Variants in STOX2 observed in about 807,000 individuals in gnomAD.
The protein encoded by STOX2 is storkhead-box protein 2.
Under a neutral mutation model 60.9 loss-of-function variants are expected in STOX2, and 28 were observed. The ratio of observed to expected loss-of-function variants is 0.46; its 90% CI spans 0.34 to 0.63. The LOEUF (loss-of-function observed/expected upper bound fraction) is 0.63, where lower values mean the gene tolerates loss of function less well. STOX2 is among the 30% of genes least tolerant of loss of function. STOX2 has a pLI of 0.01. For missense variants in STOX2, 1,024 were observed against 1,187.7 expected (o/e 0.86, Z 2.03); for synonymous variants, 472 against 463.9 (o/e 1.02, Z -0.22).
chr4:184,010,821 G>A lies in STOX2; in HGVS notation c.1983G>A (p.Pro661=), dbSNP rs201165746. The change falls in exon 3 of 4, where the codon CCG becomes CCA. Residue 661 remains proline (P), a synonymous_variant. Coordinates refer to ENST00000308497, the MANE Select transcript of STOX2 (RefSeq NM_020225.3). This position sits in a 1 kb window ranked among gnomAD's most constrained non-coding sequence, Gnocchi z 4.5. ...VGHKEESPKG[P]GGGPAASGGV... is the part of the protein sequence containing the mutation. ...ACAAGGAGGAGTCACCAAAAGGGCC[G>A]GGTGGGGGCCCCGCTGCTTCGGGAG... The A allele has an allele frequency of 1.8e-5, 29 of 1,588,666 alleles. No individual in the cohort carries two copies. The Admixed American group carries it at 3.0e-4, about 16-fold the overall frequency.
Position 184,001,346 on chromosome 4 carries a change from T to C in STOX2, c.188T>C (p.Met63Thr). ...GCAGGTGATGTATCACCCATCAGTA[T>C]GTCTCCCATCAGTCAGTCTCAGTTT... Reference protein sequence around the residue: ...MTSGDVSPISMSPISQSQFIP... With the variant: ...MTSGDVSPISTSPISQSQFIP... The change falls in exon 2 of 4, where the codon ATG (methionine) becomes ACG (threonine). Residue 63 changes from methionine to threonine, a missense_variant. Physicochemically the swap from Met to Thr is moderately conservative, Grantham distance 81. This residue lies in a region of STOX2 where 98 missense variants were observed against 110.2 expected (regional missense o/e 0.89). Coordinates refer to ENST00000308497, the MANE Select transcript of STOX2 (RefSeq NM_020225.3). The surrounding 1 kb of genome is among the most constrained non-coding windows in gnomAD (Gnocchi z 4.2). The C allele has an allele frequency of 6.2e-6, 10 of 1,613,988 alleles. No individual in the cohort carries two copies. The highest frequency in any genetic ancestry group is 8.5e-6 in the Non-Finnish European group (10 of 1,179,864).
At chr4:183,954,181 C>G (rs1743175867) in intron 1 of STOX2, among the ~76,000 whole-genome samples, 1 of 152,202 alleles carries the variant, frequency 6.6e-6, no homozygotes, top group African/African-American at 2.4e-5. Context: ...TGGAGCACTT[C>G]TTGTCACGTT....
At chr4:183,970,223 A>G (rs985500988) in intron 1 of STOX2, among the ~76,000 whole-genome samples, 2 of 150,044 alleles carry the variant, frequency 1.3e-5, no homozygotes, top group African/African-American at 4.9e-5. Context: ...TGAGTTAGAA[A>G]TCAGCTTTTG....
chr4:183,851,730 A>G (rs1237715827), intron 1 of STOX2, among the ~76,000 whole-genome samples: 1 of 120,694 alleles, frequency 8.3e-6, no homozygotes, highest in Non-Finnish European at 1.7e-5. Context: ...AGAAAGGATG[A>G]GGGAAAGGAT....
Position 183,866,807 on chromosome 4 carries a change from A to G in STOX2, c.364+68752A>G, listed in dbSNP as rs142940440. 5.6e-4 allele frequency among the ~76,000 whole-genome samples: 86 copies of G among 152,286 alleles called. 2 individuals carry two copies. The East Asian group carries it at 0.01, about 18-fold the overall frequency. On this transcript the variant is annotated intron_variant, in intron 1 of 2. Coordinates refer to the STOX2 transcript ENST00000513034. ...GACGGGAGGAACACTTGAACTCAGG[A>G]GTTGGAGGCCGCAGTGAGTGGCAAT...
intron 1 of STOX2, among the ~76,000 whole-genome samples, chr4:183,838,841 G>T (rs1023755399): frequency 1.3e-5 from 2 of 152,176 alleles, no homozygotes; most frequent in East Asian, 1.9e-4. Context: ...CCTCCACGTG[G>T]TTACACACTC....
intron 1 of STOX2, among the ~76,000 whole-genome samples, chr4:183,862,622 C>T (rs757749432): frequency 6.6e-6 from 1 of 152,086 alleles, no homozygotes; most frequent in Non-Finnish European, 1.5e-5. Context: ...GGCCCCTGGG[C>T]GGGAGAGGCT....
intron 1 of STOX2, among the ~76,000 whole-genome samples, chr4:183,979,623 AAC>A (rs1219433498): frequency 6.6e-6 from 1 of 152,194 alleles, no homozygotes; most frequent in Non-Finnish European, 1.5e-5. Context: ...ATTAGGAACT[AAC>A]AGTATTAGTT....
intron 1 of STOX2, among the ~76,000 whole-genome samples, chr4:183,953,658 C>T (rs1406270230): frequency 2.0e-5 from 3 of 151,046 alleles, no homozygotes; most frequent in South Asian, 2.1e-4. Flanking sequence ...CTCCGCCTCC[C>T]GAGTTCAAAC....
chr4:183,946,387 T>C (rs1742887433), intron 1 of STOX2, among the ~76,000 whole-genome samples: 1 of 152,106 alleles, frequency 6.6e-6, no homozygotes, highest in African/African-American at 2.4e-5. Flanking sequence ...ATAAGTACAG[T>C]CATGCCTCGG....
chr4:183,830,910 T>G (rs1488475339), intron 1 of STOX2, among the ~76,000 whole-genome samples: 2 of 151,902 alleles, frequency 1.3e-5, no homozygotes, highest in Non-Finnish European at 2.9e-5. Context: ...GAATTTTTTT[T>G]TTTTTTTTGG....
intron 1 of STOX2, among the ~76,000 whole-genome samples, chr4:183,973,041 C>A (rs1375860708): frequency 1.3e-5 from 2 of 151,478 alleles, no homozygotes; most frequent in African/African-American, 2.4e-5. Context: ...AGAAATTTTT[C>A]AATCTCAACA....
At chr4:183,815,423 A>G (rs1739133219) in intron 1 of STOX2, among the ~76,000 whole-genome samples, 1 of 152,160 alleles carries the variant, frequency 6.6e-6, no homozygotes, top group Non-Finnish European at 1.5e-5. Flanking sequence ...CATATATTAA[A>G]TTTATTTCAG....
intron 1 of STOX2, among the ~76,000 whole-genome samples, chr4:183,911,290 C>T (rs113843232): frequency 0.025 from 3,739 of 152,234 alleles, 53 homozygotes; most frequent in Middle Eastern, 0.034. Flanking sequence ...TTTTAGGACT[C>T]GCCCTGATGA....
At chr4:183,828,940 C>T (rs566476135) in intron 1 of STOX2, among the ~76,000 whole-genome samples, 1 of 152,278 alleles carries the variant, frequency 6.6e-6, no homozygotes, top group African/African-American at 2.4e-5. Flanking sequence ...GCTGCAGACA[C>T]ATGTGTTTTG....
At position 184,009,982 on chromosome 4, in the gene STOX2, G is replaced by A. The variant is rs1339909938; in HGVS notation, c.1144G>A (p.Asp382Asn). The stretch of plus-strand genomic sequence containing the variant: ...CAGCAAGACACGGGTGTCTAAAGGA[G>A]ACCCTTCCGACGGTTCACATCTGGA... ...SHSKTRVSKG[D>N]PSDGSHLDIP... The change falls in exon 3 of 4, where the codon GAC (aspartate) becomes AAC (asparagine). Residue 382 changes from aspartate (D) to asparagine (N), a missense_variant. Around this residue, in one of 3 missense-constraint regions of STOX2, gnomAD observed 922 missense variants for 1,058.3 expected, o/e 0.87. Coordinates refer to ENST00000308497, the MANE Select transcript of STOX2 (RefSeq NM_020225.3). This position sits in a 1 kb window ranked among gnomAD's most constrained non-coding sequence, Gnocchi z 4.0. 4 of 1,613,790 alleles carry A rather than the reference G, an allele frequency of 2.5e-6. No individual in the cohort carries two copies. Among genetic ancestry groups the A allele is most frequent in the Admixed American group, 1.7e-5 (1 of 60,000 alleles).
upstream of STOX2, among the ~76,000 whole-genome samples, chr4:183,904,246 C>T (rs550123750): frequency 2.0e-3 from 305 of 152,340 alleles, no homozygotes; most frequent in African/African-American, 7.0e-3. Context: ...TCCTGCTGTG[C>T]TGCCTGGTTG....
At chr4:183,985,007 G>T (rs546651630) in intron 1 of STOX2, among the ~76,000 whole-genome samples, 1 of 152,072 alleles carries the variant, frequency 6.6e-6, no homozygotes, top group Non-Finnish European at 1.5e-5. Context: ...CCGTACTCTC[G>T]GTAGGGCAGC....
chr4:184,000,464 A>G (rs966615903), intron 1 of STOX2, among the ~76,000 whole-genome samples: 1 of 152,012 alleles, frequency 6.6e-6, no homozygotes, highest in African/African-American at 2.4e-5. Context: ...CACGGCCACC[A>G]CAGTCATCTT....
Sources: allele counts gnomAD v4.1 joint callset (sites outside exome capture counted in the v4.1 genomes callset), GRCh38; gene constraint gnomAD v4.1.1; regional missense constraint gnomAD v4.1.1; non-coding constraint Gnocchi (gnomAD v3.1); transcripts MANE v1.5; gene names NCBI Gene and HGNC (gene_info 2026-07-23, HGNC 2026-07-21).